The following GPHN variants were observed in gnomAD, a reference collection of about 807,000 sequenced individuals.
GPHN encodes gephyrin.
Under a neutral mutation model 95.5 loss-of-function variants are expected in GPHN, and 17 were observed. The ratio of observed to expected loss-of-function variants is 0.18; its 90% CI spans 0.12 to 0.27. The LOEUF (loss-of-function observed/expected upper bound fraction) is 0.27. Ranked by LOEUF, GPHN falls within the 10% of genes least tolerant of loss-of-function variation. The pLI is 1.00. For synonymous variants in GPHN, 320 were observed against 322.5 expected (o/e 0.99, Z 0.08); for missense variants, 660 against 978.1 (o/e 0.67, Z 4.34).
downstream of GPHN, among the ~76,000 whole-genome samples, chr14:67,185,552 T>C (rs144460811): frequency 2.3e-4 from 35 of 152,348 alleles, no homozygotes; most frequent in African/African-American, 6.7e-4. Context: ...TAAAAGGCTA[T>C]AGAAGATGTT....
chr14:66,560,776 A>G (rs1290017320), intron 1 of GPHN, among the ~76,000 whole-genome samples: 5 of 152,066 alleles, frequency 3.3e-5, no homozygotes, highest in African/African-American at 1.2e-4. Flanking sequence ...TTCCAACACT[A>G]TGTTGAATAG....
At chr14:66,696,367 G>A (rs949980251) in intron 2 of GPHN, among the ~76,000 whole-genome samples, 1 of 152,190 alleles carries the variant, frequency 6.6e-6, no homozygotes, top group Non-Finnish European at 1.5e-5. Context: ...ATTCTGGAAA[G>A]ATGGAGTAAA....
At chr14:67,220,391 A>G in the GPHN span, among the ~76,000 whole-genome samples, 1 of 152,142 alleles carries the variant, frequency 6.6e-6, no homozygotes, top group Non-Finnish European at 1.5e-5. Flanking sequence ...GCAAAGAGCC[A>G]TGATAGAGCC....
intron 1 of GPHN, among the ~76,000 whole-genome samples, chr14:66,664,371 G>T (rs2065829598): frequency 6.6e-6 from 1 of 152,040 alleles, no homozygotes; most frequent in Non-Finnish European, 1.5e-5. Context: ...TAAATAACCT[G>T]CCCCTGAATG....
the GPHN span, among the ~76,000 whole-genome samples, chr14:67,244,444 G>C: frequency 2.0e-5 from 3 of 152,176 alleles, no homozygotes; most frequent in Non-Finnish European, 4.4e-5. Context: ...TGCTAATCTG[G>C]TGGATGAGAA....
the GPHN span, among the ~76,000 whole-genome samples, chr14:67,710,969 T>A: frequency 2.2e-3 from 333 of 152,284 alleles, 2 homozygotes; most frequent in South Asian, 7.7e-3. Context: ...AAATTATAAC[T>A]GAGACAGTGA....
intron 9 of GPHN, among the ~76,000 whole-genome samples, chr14:67,003,442 A>G (rs1359348328): frequency 1.3e-5 from 2 of 151,680 alleles, no homozygotes; most frequent in Non-Finnish European, 3.0e-5. Flanking sequence ...AGGAAAATGC[A>G]CTTTAACTTC....
chr14:67,692,745 A>C, the GPHN span: 1 of 931,620 alleles, frequency 1.1e-6, no homozygotes, highest in South Asian at 1.8e-5. Flanking sequence ...GTAAAGAAAA[A>C]TAAATTAATA....
At chr14:67,504,138 T>A in the GPHN span, among the ~76,000 whole-genome samples, 1 of 151,790 alleles carries the variant, frequency 6.6e-6, no homozygotes, top group African/African-American at 2.4e-5. Context: ...CTCAACCTCC[T>A]GAGTAGCTGG....
chr14:67,545,908 T>C, the GPHN span, among the ~76,000 whole-genome samples: 2 of 151,616 alleles, frequency 1.3e-5, no homozygotes, highest in Non-Finnish European at 2.9e-5. Context: ...TATTTGGGAA[T>C]AAGCATCTGA....
chr14:67,086,933 G>T (rs1009658857), intron 11 of GPHN, among the ~76,000 whole-genome samples: 49 of 150,280 alleles, frequency 3.3e-4, no homozygotes, highest in Non-Finnish European at 6.6e-4. Context: ...AGCTACTCGG[G>T]AGGCTGAGGC....
chr14:67,553,829 C>T, the GPHN span, among the ~76,000 whole-genome samples: 1 of 152,192 alleles, frequency 6.6e-6, no homozygotes, highest in African/African-American at 2.4e-5. Flanking sequence ...CCATCTGGCT[C>T]AAACCGATGC....
chr14:67,610,613 A>G, the GPHN span, among the ~76,000 whole-genome samples: 11 of 152,288 alleles, frequency 7.2e-5, no homozygotes. Flanking sequence ...TATGAAACCT[A>G]GAGACCTGGT....
At chr14:67,689,431 T>C in the GPHN span, among the ~76,000 whole-genome samples, 1 of 152,154 alleles carries the variant, frequency 6.6e-6, no homozygotes, top group Non-Finnish European at 1.5e-5. Context: ...CTCAAGCATA[T>C]ATTTCCCTCT....
chr14:67,687,732 A>G, the GPHN span, among the ~76,000 whole-genome samples: 1 of 149,584 alleles, frequency 6.7e-6, no homozygotes, highest in Non-Finnish European at 1.5e-5. Context: ...CAGCCTCCCA[A>G]ATTGCTGGGA....
the GPHN span, chr14:67,569,852 C>A: frequency 2.0e-6 from 2 of 987,788 alleles, no homozygotes; most frequent in South Asian, 1.4e-5. Flanking sequence ...CTGCCCAGTT[C>A]TCTGCTTCCC....
At chr14:66,792,379 A>T (rs1401315443) in intron 3 of GPHN, among the ~76,000 whole-genome samples, 1 of 151,920 alleles carries the variant, frequency 6.6e-6, no homozygotes, top group East Asian at 1.9e-4. Context: ...TAGGCATGTT[A>T]GTGCACAACT....
chr14:67,692,213 G>C, the GPHN span: 1 of 496,966 alleles, frequency 2.0e-6, no homozygotes, highest in Non-Finnish European at 3.5e-6. Flanking sequence ...TCTGGCTTCA[G>C]CTCTTACTCA....
the GPHN span, among the ~76,000 whole-genome samples, chr14:67,251,588 TA>T: frequency 0.15 from 22,595 of 152,148 alleles, 3,144 homozygotes; most frequent in East Asian, 0.42. Flanking sequence ...CTGTAAATTG[TA>T]AATAAGCTCC....
Sources: gnomAD v4.1 joint callset for allele counts (sites outside exome capture counted in the v4.1 genomes callset) on GRCh38, gnomAD v4.1.1 for gene constraint, MANE v1.5 for transcripts, NCBI Gene and HGNC (gene_info 2026-07-23, HGNC 2026-07-21) for gene names.